RGS21: variants seen among roughly 807,000 people sequenced by gnomAD.
The protein encoded by RGS21 is regulator of G-protein signalling 21.
A neutral mutation model predicts 18.7 loss-of-function variants in RGS21; 19 were observed. The observed-to-expected ratio is 1.01, with a 90% CI of 0.71 to 1.49. The LOEUF is 1.49. Ranked by LOEUF, RGS21 falls within the 40% of genes most tolerant of loss-of-function variation. The probability of loss-of-function intolerance (pLI) is 0.00; values close to 1 mark genes in which losing one functional copy is unlikely to be tolerated. For synonymous variants in RGS21, 56 were observed against 57.8 expected (o/e 0.97, Z 0.14); for missense variants, 194 against 176.8 (o/e 1.10, Z -0.55).
chr1:192,360,985 CATAA>C (rs1321007537), intron 4 of RGS21, among the ~76,000 whole-genome samples: 1 of 151,860 alleles, frequency 6.6e-6, no homozygotes, highest in African/African-American at 2.4e-5. Context: ...GCACCTACTC[CATAA>C]ATACTCTAAA....
chr1:192,355,335 G>A (rs771558694), intron 4 of RGS21, among the ~76,000 whole-genome samples: 16 of 151,624 alleles, frequency 1.1e-4, no homozygotes, highest in Non-Finnish European at 1.9e-4. Context: ...AACAAGTCAC[G>A]ATAAGTGCTA....
At chr1:192,362,413 T>C (rs1430286199) in intron 4 of RGS21, among the ~76,000 whole-genome samples, 1 of 151,394 alleles carries the variant, frequency 6.6e-6, no homozygotes, top group Admixed American at 6.6e-5. Flanking sequence ...AATTAGAAAA[T>C]AAAAAAAAGA....
intron 4 of RGS21, among the ~76,000 whole-genome samples, chr1:192,353,507 C>T (rs889090141): frequency 6.6e-6 from 1 of 151,780 alleles, no homozygotes; most frequent in Non-Finnish European, 1.5e-5. Context: ...AGATATCCTA[C>T]TTAATGTTAT....
At chr1:192,339,880 T>G (rs1263053699) in intron 1 of RGS21, among the ~76,000 whole-genome samples, 2 of 151,778 alleles carry the variant, frequency 1.3e-5, no homozygotes, top group Non-Finnish European at 2.9e-5. Flanking sequence ...AAATACCTTC[T>G]ATGATTCTGC....
intron 4 of RGS21, among the ~76,000 whole-genome samples, chr1:192,361,216 C>T (rs936380802): frequency 1.3e-5 from 2 of 151,816 alleles, no homozygotes; most frequent in Non-Finnish European, 2.9e-5. Context: ...TTGAAATATC[C>T]TTATGATTAT....
intron 1 of RGS21, among the ~76,000 whole-genome samples, chr1:192,340,925 G>A (rs943178625): frequency 2.6e-5 from 4 of 152,020 alleles, no homozygotes; most frequent in African/African-American, 4.8e-5. Flanking sequence ...CCCACAATAC[G>A]TGAGAATTAT....
chr1:192,333,870 A>G (rs1017415637), intron 1 of RGS21, among the ~76,000 whole-genome samples: 17 of 152,312 alleles, frequency 1.1e-4, no homozygotes, highest in Middle Eastern at 3.4e-3. Flanking sequence ...TATAAGATGC[A>G]AACCATGCCA....
At chr1:192,355,089 T>A (rs1330932752) in intron 4 of RGS21, among the ~76,000 whole-genome samples, 1 of 151,650 alleles carries the variant, frequency 6.6e-6, no homozygotes, top group Non-Finnish European at 1.5e-5. Flanking sequence ...AGGGTGTTAG[T>A]ATGATGTAGC....
chr1:192,338,833 A>C (rs934285467), intron 1 of RGS21, among the ~76,000 whole-genome samples: 3 of 152,062 alleles, frequency 2.0e-5, no homozygotes, highest in African/African-American at 7.2e-5. Context: ...TGAACATTTA[A>C]GCCCTCAGTT....
intron 4 of RGS21, among the ~76,000 whole-genome samples, chr1:192,359,043 T>G (rs950331270): frequency 2.0e-5 from 3 of 152,142 alleles, no homozygotes; most frequent in Non-Finnish European, 4.4e-5. Context: ...ATGGTTGTGA[T>G]GACATCTCAG....
At chr1:192,328,648 T>C (rs755616757) in intron 1 of RGS21, among the ~76,000 whole-genome samples, 11 of 152,104 alleles carry the variant, frequency 7.2e-5, no homozygotes, top group Admixed American at 1.3e-4. Context: ...AATGGGAAGA[T>C]TGGAAATAAT....
At position 192,366,184 on chromosome 1, in the gene RGS21, C is replaced by A. The variant is rs1393765532; in HGVS notation, c.*60C>A. 8 of 964,980 alleles carry A rather than the reference C, an allele frequency of 8.3e-6. No homozygotes were observed. In the African/African-American group the frequency reaches 1.0e-4, roughly 12 times the overall value. The allele number at this position is 964,980 out of a possible 1,614,324, so 59.8% of individuals were successfully genotyped here. On this transcript the variant is annotated 3_prime_UTR_variant, in exon 5 of 5. Transcript: ENST00000417209. ...GGCTACAATATTTTAAATATACAAG[C>A]ATGATGCATTGTCTTTTGTTTTGTT... is the stretch of plus-strand genomic sequence containing the variant.
chr1:192,363,417 T>G (rs988297964), intron 4 of RGS21, among the ~76,000 whole-genome samples: 2 of 152,134 alleles, frequency 1.3e-5, no homozygotes, highest in Non-Finnish European at 2.9e-5. Flanking sequence ...AAATCACAGA[T>G]GATGCTGTTA....
chr1:192,319,714 A>G (rs1045457488), intron 1 of RGS21, among the ~76,000 whole-genome samples: 27 of 152,104 alleles, frequency 1.8e-4, no homozygotes, highest in Admixed American at 1.8e-3. Flanking sequence ...GCTACTACAT[A>G]AGGCACCTAA....
chr1:192,356,812 A>T (rs895632787), intron 4 of RGS21, among the ~76,000 whole-genome samples: 2 of 151,726 alleles, frequency 1.3e-5, no homozygotes, highest in Non-Finnish European at 3.0e-5. Flanking sequence ...TGAGTAGCTT[A>T]TTTCTGCCCT....
At chr1:192,337,451 C>G (rs1039735862) in intron 1 of RGS21, among the ~76,000 whole-genome samples, 10 of 151,744 alleles carry the variant, frequency 6.6e-5, no homozygotes, top group African/African-American at 2.4e-4. Context: ...TTAAAATACT[C>G]TTTTTAAAAT....
chr1:192,326,510 A>G (rs1658570291), intron 1 of RGS21, among the ~76,000 whole-genome samples: 1 of 152,128 alleles, frequency 6.6e-6, no homozygotes, highest in Non-Finnish European at 1.5e-5. Context: ...ATTGAAAAGT[A>G]CTTATGTGTG....
chr1:192,337,381 A>T (rs1038988186), intron 1 of RGS21, among the ~76,000 whole-genome samples: 1 of 152,054 alleles, frequency 6.6e-6, no homozygotes, highest in Non-Finnish European at 1.5e-5. Flanking sequence ...TAAAAAGTTA[A>T]TAAAAAAATA....
At chr1:192,334,765 G>A (rs943059788) in intron 1 of RGS21, among the ~76,000 whole-genome samples, 2 of 152,094 alleles carry the variant, frequency 1.3e-5, no homozygotes, top group Non-Finnish European at 2.9e-5. Flanking sequence ...ACAGCATGAA[G>A]CATGTGAAAT....
Sources: gnomAD v4.1 joint callset for allele counts (sites outside exome capture counted in the v4.1 genomes callset) on GRCh38, gnomAD v4.1.1 for gene constraint, MANE v1.5 for transcripts, NCBI Gene and HGNC (gene_info 2026-07-23, HGNC 2026-07-21) for gene names.